The following KHDRBS2 variants were observed in gnomAD, a reference collection of about 807,000 sequenced individuals.
The protein encoded by KHDRBS2 is KH domain-containing, RNA-binding, signal transduction-associated protein 2.
A neutral mutation model predicts 44.3 loss-of-function variants in KHDRBS2; 26 were observed. The observed-to-expected ratio is 0.59, with a 90% CI of 0.43 to 0.81. KHDRBS2 has a LOEUF of 0.81. Among genes scored for constraint, KHDRBS2 ranks in the 40% least tolerant of loss-of-function variants. The pLI is 0.00. For missense variants in KHDRBS2, 476 were observed against 433.1 expected (o/e 1.10, Z -0.88); for synonymous variants, 194 against 151.1 (o/e 1.28, Z -2.08).
intron 6 of KHDRBS2, among the ~76,000 whole-genome samples, chr6:61,761,972 G>A (rs1193047034): frequency 6.6e-6 from 1 of 152,080 alleles, no homozygotes; most frequent in Non-Finnish European, 1.5e-5. Flanking sequence ...AAAATATTAT[G>A]TATTTCCCTT....
chr6:62,050,553 T>C (rs1381054892), intron 2 of KHDRBS2, among the ~76,000 whole-genome samples: 2 of 151,868 alleles, frequency 1.3e-5, no homozygotes, highest in African/African-American at 4.8e-5. Flanking sequence ...CTAATATCTA[T>C]AATCTATAAA....
intron 7 of KHDRBS2, among the ~76,000 whole-genome samples, chr6:61,727,831 T>C (rs1211657930): frequency 6.6e-6 from 1 of 152,152 alleles, no homozygotes; most frequent in Non-Finnish European, 1.5e-5. Flanking sequence ...GGTGGGAGCT[T>C]AAATTAGTTA....
At chr6:61,905,859 T>TTC (rs1260461967) in intron 4 of KHDRBS2, among the ~76,000 whole-genome samples, 1 of 145,522 alleles carries the variant, frequency 6.9e-6, no homozygotes, top group Non-Finnish European at 1.5e-5. Context: ...CTTTTCTTTT[T>TTC]TTTTTTTTTT....
chr6:61,690,911 A>G (rs1280458992), intron 8 of KHDRBS2, among the ~76,000 whole-genome samples: 1 of 152,084 alleles, frequency 6.6e-6, no homozygotes, highest in Non-Finnish European at 1.5e-5. Context: ...GATATTACCA[A>G]TTAAGATCAT....
intron 6 of KHDRBS2, among the ~76,000 whole-genome samples, chr6:61,832,365 C>T (rs1039294423): frequency 3.9e-5 from 6 of 151,930 alleles, no homozygotes; most frequent in Non-Finnish European, 7.4e-5. Context: ...GCCTATATAC[C>T]CTCTTATCTA....
At chr6:61,898,185 A>G (rs1019858462) in intron 5 of KHDRBS2, among the ~76,000 whole-genome samples, 4 of 152,078 alleles carry the variant, frequency 2.6e-5, no homozygotes, top group African/African-American at 7.2e-5. Flanking sequence ...TAATAATTTC[A>G]TAACAATTCA....
chr6:61,564,100 T>C, the KHDRBS2 span, among the ~76,000 whole-genome samples: 2 of 152,110 alleles, frequency 1.3e-5, no homozygotes, highest in Admixed American at 6.6e-5. Context: ...GTTGTCTCTG[T>C]TAAATGCCTC....
At chr6:62,057,071 T>A (rs1222915647) in intron 2 of KHDRBS2, among the ~76,000 whole-genome samples, 1 of 151,952 alleles carries the variant, frequency 6.6e-6, no homozygotes, top group African/African-American at 2.4e-5. Context: ...GAGACTGAGT[T>A]TCACAAAGTG....
intron 7 of KHDRBS2, among the ~76,000 whole-genome samples, chr6:61,706,209 G>A (rs369330652): frequency 6.6e-5 from 10 of 151,762 alleles, no homozygotes; most frequent in East Asian, 3.9e-4. Context: ...TTTCTACTTC[G>A]GGACCCTCAT....
At chr6:61,883,051 G>GA (rs1188334297) in intron 6 of KHDRBS2, among the ~76,000 whole-genome samples, 12 of 151,912 alleles carry the variant, frequency 7.9e-5, no homozygotes, top group African/African-American at 2.2e-4. Flanking sequence ...AACTCAGAAG[G>GA]AAAAACATGA....
At chr6:62,130,147 C>A (rs1041682452) in intron 2 of KHDRBS2, among the ~76,000 whole-genome samples, 2 of 152,128 alleles carry the variant, frequency 1.3e-5, no homozygotes, top group Non-Finnish European at 2.9e-5. Flanking sequence ...CAGGTGAAAT[C>A]ATTCATTTCA....
At chr6:61,772,762 G>T (rs1434460249) in intron 6 of KHDRBS2, among the ~76,000 whole-genome samples, 1 of 151,806 alleles carries the variant, frequency 6.6e-6, no homozygotes, top group East Asian at 1.9e-4. Context: ...CTAGTATTAG[G>T]TATATCTCCT....
intron 6 of KHDRBS2, among the ~76,000 whole-genome samples, chr6:61,840,394 T>G (rs1793413711): frequency 6.6e-6 from 1 of 152,122 alleles, no homozygotes; most frequent in Non-Finnish European, 1.5e-5. Flanking sequence ...ATTGTTCTGT[T>G]GATAATCAAT....
chr6:61,894,664 G>C lies in KHDRBS2; in HGVS notation c.781C>G (p.Pro261Ala). The change falls in exon 6 of 9, where the codon CCT (proline) becomes GCT (alanine). Residue 261 changes from proline to alanine, a missense_variant. Pro to Ala is a conservative substitution (Grantham distance 27, BLOSUM62 -1). Coordinates refer to ENST00000281156, the MANE Select transcript of KHDRBS2 (RefSeq NM_152688.4). ...TCTTCATAAGCTTCATGGGCTGGAG[G>C]AGGAGGTGCCCTGTATCCTGGCACT... ...PTVPGYRAPPPPAHEAYEEYG... is the reference protein window; with the variant it reads ...PTVPGYRAPPAPAHEAYEEYG... 2.5e-6 allele frequency: 4 copies of C among 1,612,644 alleles called. No individual in the cohort carries two copies. The highest frequency in any genetic ancestry group is 3.4e-6 in the Non-Finnish European group (4 of 1,179,562).
chr6:62,129,983 C>T (rs751237292), intron 2 of KHDRBS2, among the ~76,000 whole-genome samples: 4 of 152,174 alleles, frequency 2.6e-5, no homozygotes, highest in Non-Finnish European at 5.9e-5. Flanking sequence ...AACACCTGTG[C>T]ATCTTCTACT....
At chr6:62,041,915 C>T (rs1786623467) in intron 3 of KHDRBS2, among the ~76,000 whole-genome samples, 2 of 151,980 alleles carry the variant, frequency 1.3e-5, no homozygotes, top group African/African-American at 4.8e-5. Context: ...AGGCACACTA[C>T]ACTGAATGAT....
At chr6:61,866,858 G>A (rs1797876379) in intron 6 of KHDRBS2, among the ~76,000 whole-genome samples, 2 of 152,210 alleles carry the variant, frequency 1.3e-5, no homozygotes, top group African/African-American at 4.8e-5. Context: ...CTTTGCTCCA[G>A]TTTCCAACAA....
At position 61,935,042 on chromosome 6, in the gene KHDRBS2, G is replaced by T. The variant is rs1373965140; in HGVS notation, c.484-33671C>A. Among the ~76,000 whole-genome samples, 4 of 152,136 alleles carry T rather than the reference G, an allele frequency of 2.6e-5. No homozygotes were observed. In the South Asian group the frequency reaches 8.3e-4, roughly 31 times the overall value. On this transcript the variant is annotated intron_variant, in intron 4 of 8. Transcript: ENST00000281156. ...GGTGCTCTGAATTTTTAGAGTTCTAGCAAGAAAGGAAGAAGAATTGTGGAT... is the reference window on the plus strand; with the variant it reads ...GGTGCTCTGAATTTTTAGAGTTCTATCAAGAAAGGAAGAAGAATTGTGGAT...
chr6:61,895,072 A>G (rs1477315395), intron 5 of KHDRBS2, among the ~76,000 whole-genome samples: 1 of 151,672 alleles, frequency 6.6e-6, no homozygotes, highest in Non-Finnish European at 1.5e-5. Flanking sequence ...TATAAAAACC[A>G]TGTAAAATAC....
Sources: allele counts gnomAD v4.1 joint callset (sites outside exome capture counted in the v4.1 genomes callset), GRCh38; gene constraint gnomAD v4.1.1; transcripts MANE v1.5; gene names NCBI Gene and HGNC (gene_info 2026-07-23, HGNC 2026-07-21).